RBMS1: variants seen among roughly 807,000 people sequenced by gnomAD.
The protein encoded by RBMS1 is RNA binding motif single stranded interacting protein 1, also known as RNA-binding motif, single-stranded-interacting protein 1.
In RBMS1, 17 loss-of-function variants were observed where a neutral mutation model predicts 62.3. That is an observed-to-expected ratio of 0.27 (90% CI 0.19 to 0.41). The LOEUF is 0.41. Among genes scored for constraint, RBMS1 ranks in the 10% least tolerant of loss-of-function variants. The probability of loss-of-function intolerance (pLI) is 1.00; values close to 1 mark genes in which losing one functional copy is unlikely to be tolerated. For missense variants in RBMS1, 334 were observed against 504.5 expected (o/e 0.66, Z 3.24); for synonymous variants, 172 against 170.0 (o/e 1.01, Z -0.09).
Position 160,313,219 on chromosome 2 carries a change from A to G in RBMS1, c.339T>C (p.Pro113=), listed in dbSNP as rs1402083166. The change falls in exon 4 of 14, where the codon CCT becomes CCC. Residue 113 remains proline, a synonymous_variant. Transcript: ENST00000348849. ...KGYGFVDFDS[P]AAAQKAVSAL... is the part of the protein sequence containing the mutation. ...CAGACACAGCTTTTTGAGCTGCTGC[A>G]GGGCTGTCAAAGTCGACAAAACCAT... 8 of 1,613,532 alleles carry G rather than the reference A, an allele frequency of 5.0e-6. No homozygotes were observed. Among genetic ancestry groups the G allele is most frequent in the Non-Finnish European group, 6.8e-6 (8 of 1,179,548 alleles).
At chr2:160,479,637 C>T (rs1054096184) in intron 1 of RBMS1, among the ~76,000 whole-genome samples, 13 of 152,212 alleles carry the variant, frequency 8.5e-5, no homozygotes, top group Admixed American at 6.5e-5. Flanking sequence ...AGACCCTCCC[C>T]AGCTCTGGCC....
intron 1 of RBMS1, among the ~76,000 whole-genome samples, chr2:160,443,128 C>T (rs1043367855): frequency 6.6e-6 from 1 of 151,690 alleles, no homozygotes; most frequent in South Asian, 2.1e-4. Flanking sequence ...ATTGCTGGAA[C>T]CCAGGAGGCG....
At chr2:160,424,104 C>T (rs959776442) in intron 1 of RBMS1, among the ~76,000 whole-genome samples, 8 of 151,672 alleles carry the variant, frequency 5.3e-5, no homozygotes, top group Admixed American at 2.0e-4. Context: ...CTGTAACCTC[C>T]GCCACTTGGG....
chr2:160,441,473 C>T (rs1683408368), intron 1 of RBMS1, among the ~76,000 whole-genome samples: 1 of 152,244 alleles, frequency 6.6e-6, no homozygotes, highest in Admixed American at 6.5e-5. Context: ...CCTGTAATCT[C>T]AGCACTTTGG....
chr2:160,345,861 A>G (rs1692146241), intron 2 of RBMS1, among the ~76,000 whole-genome samples: 1 of 152,134 alleles, frequency 6.6e-6, no homozygotes, highest in Non-Finnish European at 1.5e-5. Flanking sequence ...CGCTAGATTT[A>G]AAACTTAAAG....
At chr2:160,298,507 C>A (rs1173192571) in intron 6 of RBMS1, among the ~76,000 whole-genome samples, 1 of 152,032 alleles carries the variant, frequency 6.6e-6, no homozygotes, top group African/African-American at 2.4e-5. Context: ...GCAACACTAA[C>A]AATTAAAAGC....
chr2:160,381,156 C>T (rs1453679603), intron 1 of RBMS1, among the ~76,000 whole-genome samples: 2 of 152,094 alleles, frequency 1.3e-5, no homozygotes, highest in Admixed American at 1.3e-4. Flanking sequence ...TCAATCTTCC[C>T]TTACAATAAT....
intron 1 of RBMS1, chr2:160,493,009 C>T: frequency 2.6e-6 from 1 of 379,974 alleles, no homozygotes; most frequent in Non-Finnish European, 4.7e-6. Flanking sequence ...CCCCACGACC[C>T]TCCCCGCTGG....
chr2:160,404,763 T>A (rs1219335346), intron 1 of RBMS1, among the ~76,000 whole-genome samples: 1 of 152,200 alleles, frequency 6.6e-6, no homozygotes, highest in Non-Finnish European at 1.5e-5. Context: ...ACTTACCATC[T>A]GTATCATCCA....
intron 6 of RBMS1, 101 bp downstream of exon 6, chr2:160,300,548 AGT>A: frequency 7.3e-7 from 1 of 1,371,700 alleles, no homozygotes; most frequent in Non-Finnish European, 9.5e-7. Flanking sequence ...CATCTTAAAG[AGT>A]GAAATGAGGG....
chr2:160,306,153 A>G (rs1209575749), intron 4 of RBMS1, among the ~76,000 whole-genome samples: 3 of 150,542 alleles, frequency 2.0e-5, no homozygotes, highest in Admixed American at 6.6e-5. Flanking sequence ...GTGTGTGTGT[A>G]TACACATATA....
chr2:160,443,429 C>T (rs574156884), intron 1 of RBMS1, among the ~76,000 whole-genome samples: 1 of 152,218 alleles, frequency 6.6e-6, no homozygotes, highest in East Asian at 1.9e-4. Flanking sequence ...GCGATGCAGC[C>T]TGATGGGAGG....
At chr2:160,343,059 A>T (rs1015945253) in intron 2 of RBMS1, among the ~76,000 whole-genome samples, 1 of 152,198 alleles carries the variant, frequency 6.6e-6, no homozygotes, top group Non-Finnish European at 1.5e-5. Context: ...AGACAAACTG[A>T]GATCCCAGGC....
In RBMS1 at chr2:160,407,647, G is replaced by A. The variant is rs931331941; in HGVS notation, c.76-40256C>T. 15 of 981,922 alleles carry A rather than the reference G, an allele frequency of 1.5e-5. No individual in the cohort carries two copies. The African/African-American group carries it at 1.8e-4, about 12-fold the overall frequency. The allele number at this position is 981,922 out of a possible 1,614,324, so 60.8% of individuals were successfully genotyped here. A position where few individuals can be genotyped will look rare whatever the true frequency, so the allele number is the denominator to read the frequency against. On this transcript the variant is annotated intron_variant, in intron 1 of 13. Transcript: ENST00000348849. ...GGGCCCGGGGCCGCGGCAGCTCTGGGAACTCCCTCTCGCCGCGCGGCGGCG... is the reference window on the plus strand; with the variant it reads ...GGGCCCGGGGCCGCGGCAGCTCTGGAAACTCCCTCTCGCCGCGCGGCGGCG...
At chr2:160,426,216 C>A (rs962072526) in intron 1 of RBMS1, among the ~76,000 whole-genome samples, 21 of 65,362 alleles carry the variant, frequency 3.2e-4, no homozygotes, top group African/African-American at 9.5e-4. Context: ...GAGAGAGAGA[C>A]AGAAGAAAGA....
At chr2:160,285,133 T>C in intron 7 of RBMS1, 89 bp from the exon 8 acceptor site, 1 of 1,291,688 alleles carries the variant, frequency 7.7e-7, no homozygotes, top group Middle Eastern at 2.1e-4. Context: ...GGTGTGCACC[T>C]GTAGTCCCAG....
chr2:160,341,573 C>T (rs1371679982), intron 2 of RBMS1, among the ~76,000 whole-genome samples: 1 of 152,064 alleles, frequency 6.6e-6, no homozygotes, highest in Non-Finnish European at 1.5e-5. Context: ...AGAAAGGAAT[C>T]AGAACTGAAA....
chr2:160,390,473 T>C (rs28407035), intron 1 of RBMS1, among the ~76,000 whole-genome samples: 1 of 152,262 alleles, frequency 6.6e-6, no homozygotes, highest in Non-Finnish European at 1.5e-5. Flanking sequence ...GGAGGATCAC[T>C]TGAGGCCAGA....
At chr2:160,324,332 C>T (rs1690764232) in intron 2 of RBMS1, among the ~76,000 whole-genome samples, 1 of 152,136 alleles carries the variant, frequency 6.6e-6, no homozygotes, top group South Asian at 2.1e-4. Context: ...AGGTTATAAG[C>T]CAAAGCTCTG....
Sources: allele counts gnomAD v4.1 joint callset (sites outside exome capture counted in the v4.1 genomes callset), GRCh38; gene constraint gnomAD v4.1.1; transcripts MANE v1.5; gene names NCBI Gene and HGNC (gene_info 2026-07-23, HGNC 2026-07-21).